The following KLHL32 variants were observed in gnomAD, a reference collection of about 807,000 sequenced individuals.
KLHL32 encodes the protein kelch-like protein 32.
Under a neutral mutation model 64.8 loss-of-function variants are expected in KLHL32, and 35 were observed. The ratio of observed to expected loss-of-function variants is 0.54; its 90% CI spans 0.41 to 0.72. The LOEUF is 0.72. Among genes scored for constraint, KLHL32 ranks in the 30% least tolerant of loss-of-function variants. The pLI, the probability that KLHL32 is intolerant of heterozygous loss-of-function variation, is 0.00. For missense variants in KLHL32, 589 were observed against 768.5 expected, an observed-to-expected ratio of 0.77 and a Z score of 2.76; for synonymous variants, 259 against 281.0, an observed-to-expected ratio of 0.92 and a Z score of 0.78.
intron 8 of KLHL32, among the ~76,000 whole-genome samples, chr6:97,128,309 A>G (rs558153301): frequency 2.0e-5 from 3 of 152,270 alleles, no homozygotes; most frequent in Admixed American, 2.0e-4. Context: ...CTCTCTTTGC[A>G]AAGTGTGTTT....
At chr6:97,076,912 T>C (rs1791687240) in intron 5 of KLHL32, among the ~76,000 whole-genome samples, 1 of 152,124 alleles carries the variant, frequency 6.6e-6, no homozygotes, top group African/African-American at 2.4e-5. Context: ...CAGGAAAATC[T>C]ATGTTTTTGC....
At chr6:97,138,307 G>C (rs1800278730) in intron 10 of KLHL32, among the ~76,000 whole-genome samples, 1 of 152,180 alleles carries the variant, frequency 6.6e-6, no homozygotes, top group African/African-American at 2.4e-5. Flanking sequence ...GGGAGGCTGA[G>C]GTGGAAGGAT....
At chr6:96,900,402 G>A in the KLHL32 span, among the ~76,000 whole-genome samples, 1 of 151,754 alleles carries the variant, frequency 6.6e-6, no homozygotes, top group African/African-American at 2.4e-5. Context: ...TTGAGATTAC[G>A]GTAAGACTCA....
intron 3 of KLHL32, among the ~76,000 whole-genome samples, chr6:97,037,352 T>C (rs1784447206): frequency 6.6e-6 from 1 of 152,074 alleles, no homozygotes; most frequent in Non-Finnish European, 1.5e-5. Context: ...GTTTATATTG[T>C]CCATCTTATA....
At position 96,973,730 on chromosome 6, in the gene KLHL32, C is replaced by CT. The variant is rs558193523; in HGVS notation, c.24-2256dup. 3.4e-4 allele frequency among the ~76,000 whole-genome samples: 40 copies of CT among 118,240 alleles called. 1 individual carries two copies. Among genetic ancestry groups the CT allele is most frequent in the Admixed American group, 7.5e-4 (9 of 11,960 alleles). 77.6% of individuals were successfully genotyped at this position (118,240 alleles called of 152,430 possible). On this transcript the variant is annotated intron_variant, in intron 2 of 10. Coordinates refer to ENST00000369261, the MANE Select transcript of KLHL32 (RefSeq NM_052904.4). ...GATTTTTGAGATCTTTACAGATTGC[C>CT]TTTTTTTTTTTAGACAGAGTCTCGC...
At chr6:96,937,147 A>G (rs760026327) in intron 1 of KLHL32, among the ~76,000 whole-genome samples, 2 of 152,212 alleles carry the variant, frequency 1.3e-5, no homozygotes, top group Non-Finnish European at 2.9e-5. Context: ...GCAAATGTAT[A>G]GCGTTCTGTA....
chr6:97,041,359 C>A (rs1335769105), intron 3 of KLHL32, 133 bp from the exon 4 acceptor site: 1 of 619,682 alleles, frequency 1.6e-6, no homozygotes, highest in Non-Finnish European at 2.9e-6. Context: ...ATGACACTTT[C>A]TAGAAGCATT....
chr6:97,004,800 A>C (rs978867088), intron 3 of KLHL32, among the ~76,000 whole-genome samples: 1 of 152,188 alleles, frequency 6.6e-6, no homozygotes, highest in Non-Finnish European at 1.5e-5. Flanking sequence ...ATGGTGAACC[A>C]ACCTTGCTTC....
intron 3 of KLHL32, among the ~76,000 whole-genome samples, chr6:97,004,201 T>G (rs989170256): frequency 6.6e-6 from 1 of 152,208 alleles, no homozygotes; most frequent in African/African-American, 2.4e-5. Context: ...CCTCCCTGGT[T>G]GGTTATATTC....
At chr6:97,064,602 T>C (rs1347990548) in intron 4 of KLHL32, 26 bp from the exon 5 acceptor site, 4 of 1,576,334 alleles carry the variant, frequency 2.5e-6, no homozygotes, top group Non-Finnish European at 2.6e-6. Flanking sequence ...AACTGATAGT[T>C]TTATTTTTGT....
intron 3 of KLHL32, among the ~76,000 whole-genome samples, chr6:97,039,813 C>G (rs1249831881): frequency 1.5e-5 from 2 of 134,766 alleles, no homozygotes; most frequent in Non-Finnish European, 3.2e-5. Context: ...GAGTAAGACT[C>G]CATCTCAAAA....
Position 96,935,274 on chromosome 6 carries a change from G to C in KLHL32, c.-66+10248G>C, listed in dbSNP as rs149266084. Among the ~76,000 whole-genome samples, 35 of 152,170 alleles carry C rather than the reference G, an allele frequency of 2.3e-4. No individual in the cohort carries two copies. In the East Asian group the frequency reaches 6.8e-3, roughly 29 times the overall value. On this transcript the variant is annotated intron_variant, in intron 1 of 10. Coordinates refer to ENST00000369261, the MANE Select transcript of KLHL32 (RefSeq NM_052904.4). ...TGATGGCTTCCCTGATGTTGAGTTA[G>C]GTACAAACCTGCTCAATTCCTATTG... is the stretch of plus-strand genomic sequence containing the variant.
chr6:97,016,595 T>G (rs1280749814), intron 3 of KLHL32, among the ~76,000 whole-genome samples: 1 of 152,218 alleles, frequency 6.6e-6, no homozygotes, highest in Non-Finnish European at 1.5e-5. Flanking sequence ...TTCCTTGTCT[T>G]AGATGAGACT....
At chr6:97,111,570 C>T (rs1245084682) in intron 6 of KLHL32, among the ~76,000 whole-genome samples, 1 of 152,194 alleles carries the variant, frequency 6.6e-6, no homozygotes, top group Non-Finnish European at 1.5e-5. Flanking sequence ...GTGCAGGCCC[C>T]ACCACAGCAT....
At chr6:97,086,198 G>T (rs906216581) in intron 6 of KLHL32, among the ~76,000 whole-genome samples, 1 of 152,170 alleles carries the variant, frequency 6.6e-6, no homozygotes, top group Non-Finnish European at 1.5e-5. Context: ...AAAATTTAAA[G>T]TCTTCTATTA....
chr6:96,967,840 A>C (rs1375882598), intron 2 of KLHL32, among the ~76,000 whole-genome samples: 2 of 152,188 alleles, frequency 1.3e-5, no homozygotes, highest in Non-Finnish European at 2.9e-5. Flanking sequence ...TATACCTGAG[A>C]TTTGAAGGGG....
intron 1 of KLHL32, among the ~76,000 whole-genome samples, chr6:96,929,329 A>G (rs964255056): frequency 2.3e-4 from 35 of 152,370 alleles, no homozygotes; most frequent in Admixed American, 1.7e-3. Context: ...ATATTATGAA[A>G]AAATGATACT....
chr6:96,980,192 G>A (rs557892289), intron 3 of KLHL32, among the ~76,000 whole-genome samples: 10 of 152,216 alleles, frequency 6.6e-5, no homozygotes, highest in African/African-American at 2.4e-4. Flanking sequence ...AGGACTTCCA[G>A]TACTATGTTG....
intron 3 of KLHL32, among the ~76,000 whole-genome samples, chr6:97,022,546 T>G (rs555743573): frequency 1.3e-5 from 2 of 149,506 alleles, no homozygotes; most frequent in East Asian, 3.9e-4. Context: ...CTCAACTCAC[T>G]GCAATCTCCG....
Sources: allele counts gnomAD v4.1 joint callset (sites outside exome capture counted in the v4.1 genomes callset), GRCh38; gene constraint gnomAD v4.1.1; transcripts MANE v1.5; gene names NCBI Gene and HGNC (gene_info 2026-07-23, HGNC 2026-07-21).